Variants in AGPAT4 observed in about 807,000 individuals in gnomAD.
AGPAT4 encodes the protein 1-acylglycerol-3-phosphate O-acyltransferase 4.
AGPAT4 carries 15 observed loss-of-function variants against 48.0 expected under a neutral mutation model. The ratio of observed to expected loss-of-function variants is 0.31; its 90% CI spans 0.21 to 0.48. The LOEUF is 0.48. Ranked by LOEUF, AGPAT4 falls within the 20% of genes least tolerant of loss-of-function variation. The pLI is 0.99. For missense variants in AGPAT4, 314 were observed against 482.5 expected, an observed-to-expected ratio of 0.65 and a Z score of 3.27; for synonymous variants, 178 against 198.7, an observed-to-expected ratio of 0.90 and a Z score of 0.88.
At position 161,231,134 on chromosome 6, in the gene AGPAT4, T is replaced by C. The variant is rs1199433120; in HGVS notation, c.178+902A>G. The stretch of plus-strand genomic sequence containing the variant: ...TTAGTTGATGTTTTTAATAGACAAA[T>C]TTTTAAAAAGCACATATTTTGAAAT... On this transcript the variant is annotated intron_variant, in intron 2 of 8. Transcript: ENST00000320285. This position sits in a 1 kb window ranked among gnomAD's most constrained non-coding sequence, Gnocchi z 5.3. Among the ~76,000 whole-genome samples, 1 of 152,212 alleles carries C rather than the reference T, an allele frequency of 6.6e-6. No individual in the cohort carries two copies. Among genetic ancestry groups the C allele is most frequent in the Admixed American group, 6.5e-5 (1 of 15,284 alleles).
rs1452003716 is a variant in AGPAT4, at chr6:161,226,920, T to A, written c.178+5116A>T. 6.6e-6 allele frequency among the ~76,000 whole-genome samples: 1 copy of A among 151,992 alleles called. No homozygotes were observed. The highest frequency in any genetic ancestry group is 1.5e-5 in the Non-Finnish European group (1 of 67,976). ...GACAGCTGACCTCCCTCGGGGGAGC[T>A]CCTAGGCAAAGCAGGGAAGAAGAAG... On this transcript the variant is annotated intron_variant, in intron 2 of 8. Coordinates refer to ENST00000320285, the MANE Select transcript of AGPAT4 (RefSeq NM_020133.3). The surrounding 1 kb of genome is among the most constrained non-coding windows in gnomAD (Gnocchi z 6.3).
At chr6:161,271,836 G>A (rs746767946) in intron 1 of AGPAT4, among the ~76,000 whole-genome samples, 1 of 152,152 alleles carries the variant, frequency 6.6e-6, no homozygotes, top group African/African-American at 2.4e-5. Context: ...TTTACATGCT[G>A]TCAATCTGCT....
chr6:161,239,435 T>G (rs1185329750), intron 1 of AGPAT4, among the ~76,000 whole-genome samples: 1 of 152,230 alleles, frequency 6.6e-6, no homozygotes, highest in Non-Finnish European at 1.5e-5. Flanking sequence ...GAAGACAGGC[T>G]AAACCTGAAA....
At chr6:161,191,022 C>A (rs1283982812) in intron 2 of AGPAT4, among the ~76,000 whole-genome samples, 1 of 152,206 alleles carries the variant, frequency 6.6e-6, no homozygotes, top group East Asian at 1.9e-4. Context: ...CAAATCTCCT[C>A]AGCACCCCTG....
rs376296890 is a variant in AGPAT4 at position 161,196,259 on chromosome 6, C to T, written c.179-29842G>A. 3.9e-5 allele frequency among the ~76,000 whole-genome samples: 6 copies of T among 152,054 alleles called. No individual in the cohort carries two copies. Among genetic ancestry groups the T allele is most frequent in the African/African-American group, 9.7e-5 (4 of 41,398 alleles). On this transcript the variant is annotated intron_variant, in intron 2 of 8. Transcript: ENST00000320285. The surrounding 1 kb of genome is among the most constrained non-coding windows in gnomAD (Gnocchi z 4.3). ...AAGAAAAAGCCAGGAACTGGAGAGG[C>T]TAGGGGCTGGAGGGAAATCTGCAGA... is the stretch of plus-strand genomic sequence containing the variant.
chr6:161,170,517 AC>A (rs1159356184), intron 2 of AGPAT4, among the ~76,000 whole-genome samples: 2 of 152,040 alleles, frequency 1.3e-5, no homozygotes, highest in Non-Finnish European at 2.9e-5. Flanking sequence ...ATACACATAT[AC>A]TCAAAAAGCT....
Position 161,139,279 on chromosome 6 carries a change from T to G in AGPAT4, c.1042+143A>C. Reference sequence around the variant, plus strand: ...AGGGCCTCGCACTCATCCTGAAGTCTAATCTTTCCCTGTGATTGCAAGCTG... The same window carrying G: ...AGGGCCTCGCACTCATCCTGAAGTCGAATCTTTCCCTGTGATTGCAAGCTG... On this transcript the variant is annotated intron_variant, in intron 8 of 8. Coordinates refer to ENST00000320285, the MANE Select transcript of AGPAT4 (RefSeq NM_020133.3). The surrounding 1 kb of genome is among the most constrained non-coding windows in gnomAD (Gnocchi z 9.1). 1 of 984,538 alleles carries G rather than the reference T, an allele frequency of 1.0e-6. No individual in the cohort carries two copies. Among genetic ancestry groups the G allele is most frequent in the Non-Finnish European group, 1.5e-6 (1 of 660,186 alleles). The allele number at this position is 984,538 out of a possible 1,614,324, so 61.0% of individuals were successfully genotyped here.
Position 161,201,324 on chromosome 6 carries a change from A to T in AGPAT4, c.178+30712T>A, listed in dbSNP as rs1781233087. ...GCTCTACAGTCCCAAGAGAGAGGTT[A>T]AAGTACCAGAAGAAAAGGAAATTAC... On this transcript the variant is annotated intron_variant, in intron 2 of 8. Transcript: ENST00000320285. The surrounding 1 kb of genome is among the most constrained non-coding windows in gnomAD (Gnocchi z 6.0). Among the ~76,000 whole-genome samples the T allele has an allele frequency of 6.6e-6, 1 of 152,252 alleles. No individual in the cohort carries two copies. The highest frequency in any genetic ancestry group is 2.4e-5 in the African/African-American group (1 of 41,472).
At chr6:161,174,057 T>C (rs186165671) in intron 2 of AGPAT4, among the ~76,000 whole-genome samples, 1 of 152,330 alleles carries the variant, frequency 6.6e-6, no homozygotes, top group Admixed American at 6.5e-5. Context: ...AGCCTTGTAG[T>C]ACAGTTTGAA....
rs2114940202 is a variant in AGPAT4, at chr6:161,130,756, A to G, written c.*5784T>C. 2.1e-6 allele frequency: 1 copy of G among 472,272 alleles called. No individual in the cohort carries two copies. 29.3% of individuals were successfully genotyped at this position (472,272 alleles called of 1,614,324 possible). ...AGGAAGCTCCAGTTGTAGCCTTGGC[A>G]CAGCTGAGGCCATGCCATTGCTACC... On this transcript the variant is annotated 3_prime_UTR_variant, in exon 9 of 9. Transcript: ENST00000320285.
chr6:161,203,737 G>A (rs1781306695), intron 2 of AGPAT4, among the ~76,000 whole-genome samples: 1 of 152,054 alleles, frequency 6.6e-6, no homozygotes, highest in Non-Finnish European at 1.5e-5. Context: ...CGCCTGGCTG[G>A]GAGAGTTTTC....
intron 2 of AGPAT4, among the ~76,000 whole-genome samples, chr6:161,193,140 C>T (rs575147642): frequency 2.6e-5 from 4 of 152,294 alleles, no homozygotes; most frequent in African/African-American, 7.2e-5. Flanking sequence ...TCCCCATCTT[C>T]TGGAAGGACA....
rs769908658 is a variant in AGPAT4, at chr6:161,240,840, C to G, written c.-89-8538G>C. ...CTGTTCTCACTCCTGGCAGACAAGG[C>G]TGGGTTCAGTTTTGGCTCCCTTAGA... On this transcript the variant is annotated intron_variant, in intron 1 of 8. Transcript: ENST00000320285. This position sits in a 1 kb window ranked among gnomAD's most constrained non-coding sequence, Gnocchi z 5.5. Among the ~76,000 whole-genome samples, 1 of 152,160 alleles carries G rather than the reference C, an allele frequency of 6.6e-6. No individual in the cohort carries two copies. Among genetic ancestry groups the G allele is most frequent in the Admixed American group, 6.5e-5 (1 of 15,276 alleles).
chr6:161,217,822 AC>A lies in AGPAT4; in HGVS notation c.178+14213del, dbSNP rs1314660571. Among the ~76,000 whole-genome samples the A allele has an allele frequency of 3.6e-4, 55 of 152,284 alleles. No individual in the cohort carries two copies. The highest frequency in any genetic ancestry group is 1.3e-3 in the African/African-American group (53 of 41,556). ...GCCCAGGCCACTGCCCTGGGACAGG[AC>A]TCACAGGCAGCACAGCTGGTGCCTC... On this transcript the variant is annotated intron_variant, in intron 2 of 8. Transcript: ENST00000320285. This position sits in a 1 kb window ranked among gnomAD's most constrained non-coding sequence, Gnocchi z 4.9.
In AGPAT4 at chr6:161,241,142, A is replaced by AAT. The variant is rs1782474097; in HGVS notation, c.-89-8842_-89-8841dup. ...GCTGGGCGTGGTGGCAGGCACCTGT[A>AAT]ATCCCAGCTACTTGGGAGGCTGAGG... On this transcript the variant is annotated intron_variant, in intron 1 of 8. Transcript: ENST00000320285. 3.3e-5 allele frequency among the ~76,000 whole-genome samples: 5 copies of AAT among 151,904 alleles called. No individual in the cohort carries two copies. The South Asian group carries it at 1.0e-3, about 32-fold the overall frequency.
chr6:161,151,111 C>T (rs774427509), intron 5 of AGPAT4, among the ~76,000 whole-genome samples: 6 of 152,206 alleles, frequency 3.9e-5, no homozygotes, highest in Non-Finnish European at 8.8e-5. Flanking sequence ...AACTGCAAGG[C>T]GCATCAGAAG....
rs1419468216 is a variant in AGPAT4, at chr6:161,233,981, G to C, written c.-89-1679C>G. Among the ~76,000 whole-genome samples, 3 of 152,204 alleles carry C rather than the reference G, an allele frequency of 2.0e-5. No individual in the cohort carries two copies. Among genetic ancestry groups the C allele is most frequent in the African/African-American group, 7.2e-5 (3 of 41,444 alleles). ...AACTTGCCTAAGCTTGCCACAATCG[G>C]TAACTGATCTTGGGGCTCAGTTTTA... On this transcript the variant is annotated intron_variant, in intron 1 of 8. Transcript: ENST00000320285. This position sits in a 1 kb window ranked among gnomAD's most constrained non-coding sequence, Gnocchi z 5.4.
intron 3 of AGPAT4, among the ~76,000 whole-genome samples, chr6:161,163,500 C>A (rs1779998141): frequency 6.6e-6 from 1 of 152,096 alleles, no homozygotes; most frequent in Non-Finnish European, 1.5e-5. Context: ...GAGATGAGCA[C>A]CAGCCATCTC....
In AGPAT4 at chr6:161,272,690, C is replaced by G. The variant is rs1350038407; in HGVS notation, c.-90+1248G>C. 6.8e-6 allele frequency among the ~76,000 whole-genome samples: 1 copy of G among 146,476 alleles called. No homozygotes were observed. Among genetic ancestry groups the G allele is most frequent in the Non-Finnish European group, 1.5e-5 (1 of 67,798 alleles). ...AGATGTGCCCTGTTCTCCCTGCCCGCCTCCCATTTCCCTAAACACACACAC... is the reference window on the plus strand; with the variant it reads ...AGATGTGCCCTGTTCTCCCTGCCCGGCTCCCATTTCCCTAAACACACACAC... On this transcript the variant is annotated intron_variant, in intron 1 of 8. Transcript: ENST00000320285. This position sits in a 1 kb window ranked among gnomAD's most constrained non-coding sequence, Gnocchi z 4.2.
Sources: allele counts gnomAD v4.1 joint callset (sites outside exome capture counted in the v4.1 genomes callset), GRCh38; gene constraint gnomAD v4.1.1; non-coding constraint Gnocchi (gnomAD v3.1); transcripts MANE v1.5; gene names NCBI Gene and HGNC (gene_info 2026-07-23, HGNC 2026-07-21).